PARL: variants seen among roughly 807,000 people sequenced by gnomAD.
The protein encoded by PARL is presenilin-associated rhomboid-like protein, mitochondrial.
Under a neutral mutation model 51.6 loss-of-function variants are expected in PARL, and 44 were observed. That is an observed-to-expected ratio of 0.85 (90% CI 0.67 to 1.10). PARL has a LOEUF of 1.10. Ranked by LOEUF, PARL falls within the 50% of genes least tolerant of loss-of-function variation. PARL has a pLI of 0.00. For synonymous variants in PARL, 172 were observed against 164.0 expected (o/e 1.05, Z -0.37); for missense variants, 441 against 469.5 (o/e 0.94, Z 0.56).
At chr3:183,843,973 A>C (rs1729647191) in intron 5 of PARL, among the ~76,000 whole-genome samples, 1 of 152,112 alleles carries the variant, frequency 6.6e-6, no homozygotes, top group Non-Finnish European at 1.5e-5. Context: ...TGGGAGGTGG[A>C]GGTTGTAGTG....
At chr3:183,855,974 A>C (rs1432153767) in intron 4 of PARL, among the ~76,000 whole-genome samples, 1 of 151,294 alleles carries the variant, frequency 6.6e-6, no homozygotes, top group Non-Finnish European at 1.5e-5. Context: ...AAACAAACAA[A>C]AAAAAAAACA....
At chr3:183,835,404 G>A (rs1470951988) in intron 7 of PARL, among the ~76,000 whole-genome samples, 1 of 152,126 alleles carries the variant, frequency 6.6e-6, no homozygotes, top group African/African-American at 2.4e-5. Flanking sequence ...AGAGATCTCA[G>A]ATGTCCCCAG....
intron 1 of PARL, among the ~76,000 whole-genome samples, chr3:183,882,350 T>TACATATATGC (rs1734646589): frequency 6.9e-6 from 1 of 143,964 alleles, no homozygotes; most frequent in Non-Finnish European, 1.5e-5. Context: ...CACACATATA[T>TACATATATGC]ACATATATGC....
chr3:183,856,265 T>C (rs970130104), intron 4 of PARL, among the ~76,000 whole-genome samples: 1 of 151,984 alleles, frequency 6.6e-6, no homozygotes, highest in Middle Eastern at 3.2e-3. Flanking sequence ...CCACTTGGGG[T>C]CTAATAGCTA....
chr3:183,836,063 C>CA (rs1346114855), intron 7 of PARL, among the ~76,000 whole-genome samples: 1 of 151,320 alleles, frequency 6.6e-6, no homozygotes, highest in Non-Finnish European at 1.5e-5. Flanking sequence ...GCTAAAAATA[C>CA]AAAATTAGCT....
intron 7 of PARL, among the ~76,000 whole-genome samples, chr3:183,835,008 G>T (rs997209151): frequency 6.6e-6 from 1 of 151,450 alleles, no homozygotes; most frequent in African/African-American, 2.4e-5. Context: ...GCAGTGAGCC[G>T]AGATTGTCCC....
chr3:183,842,845 T>C (rs1459080602), intron 5 of PARL, among the ~76,000 whole-genome samples: 1 of 92,606 alleles, frequency 1.1e-5, no homozygotes, highest in East Asian at 4.0e-4. Context: ...GAAACAAACA[T>C]GGAAAACAAA....
chr3:183,837,831 G>A (rs888659329), intron 7 of PARL, among the ~76,000 whole-genome samples: 1 of 152,074 alleles, frequency 6.6e-6, no homozygotes, highest in African/African-American at 2.4e-5. Flanking sequence ...AAGACAATTG[G>A]CCGGGTGTAG....
At chr3:183,878,562 A>G (rs1734102678) in intron 1 of PARL, among the ~76,000 whole-genome samples, 1 of 152,154 alleles carries the variant, frequency 6.6e-6, no homozygotes, top group Non-Finnish European at 1.5e-5. Context: ...CTACCTCATA[A>G]CAAATGAGAA....
At chr3:183,833,269 G>A (rs571901580) in intron 9 of PARL, among the ~76,000 whole-genome samples, 66 of 152,300 alleles carry the variant, frequency 4.3e-4, no homozygotes, top group African/African-American at 1.4e-3. Context: ...AAGGTTAAGC[G>A]TAGGGTAAAG....
intron 4 of PARL, among the ~76,000 whole-genome samples, chr3:183,855,397 C>T (rs1731033263): frequency 6.6e-6 from 1 of 152,152 alleles, no homozygotes; most frequent in Admixed American, 6.6e-5. Flanking sequence ...AAGTGCCAGG[C>T]CTCCCAAGTG....
intron 2 of PARL, 45 bp from the exon 3 acceptor site, chr3:183,866,810 T>A: frequency 7.6e-7 from 1 of 1,317,300 alleles, no homozygotes; most frequent in South Asian, 1.2e-5. Flanking sequence ...AAGAGGGAAA[T>A]AGATCTATAC....
At chr3:183,874,870 G>A (rs574002903) in intron 1 of PARL, among the ~76,000 whole-genome samples, 69 of 152,258 alleles carry the variant, frequency 4.5e-4, no homozygotes, top group African/African-American at 1.7e-3. Flanking sequence ...TCAGGAGTTT[G>A]AAACCAACCT....
At chr3:183,878,773 A>G (rs1734123964) in intron 1 of PARL, among the ~76,000 whole-genome samples, 1 of 152,196 alleles carries the variant, frequency 6.6e-6, no homozygotes, top group Non-Finnish European at 1.5e-5. Context: ...ATATCTAAAC[A>G]AGCGCCTAAA....
intron 4 of PARL, among the ~76,000 whole-genome samples, chr3:183,855,491 C>G (rs890210395): frequency 6.6e-6 from 1 of 151,878 alleles, no homozygotes; most frequent in African/African-American, 2.4e-5. Context: ...CACCAAGGAC[C>G]GGTTTTGTGT....
rs762841882 is a variant in PARL, at chr3:183,862,765, G to T, written c.499C>A (p.Arg167=). 18 of 1,612,760 alleles carry T rather than the reference G, an allele frequency of 1.1e-5. No homozygotes were observed. In the Admixed American group the frequency reaches 2.2e-4, roughly 19 times the overall value. The change falls in exon 4 of 10, where the codon CGG becomes AGG. Residue 167 remains arginine, a synonymous_variant. Coordinates refer to ENST00000317096, the MANE Select transcript of PARL (RefSeq NM_018622.7). The part of the protein sequence containing the change: ...KWWNNLSDGQ[R]TVTGIIAANV... ...AGCTAACACAAACCTGTCACAGTCCGCTGGCCATCACTTAGGTTATTCCAC... is the reference window on the plus strand; with the variant it reads ...AGCTAACACAAACCTGTCACAGTCCTCTGGCCATCACTTAGGTTATTCCAC...
At chr3:183,852,248 A>G (rs1027217042) in intron 4 of PARL, among the ~76,000 whole-genome samples, 3 of 152,228 alleles carry the variant, frequency 2.0e-5, no homozygotes, top group African/African-American at 7.2e-5. Context: ...AGATGGAGAC[A>G]ACCCAAATGT....
intron 6 of PARL, 75 bp from the exon 7 acceptor site, chr3:183,840,715 T>C (rs1729207708): frequency 1.2e-6 from 1 of 805,988 alleles, no homozygotes; most frequent in African/African-American, 1.8e-5. Flanking sequence ...TTTTCTTTTT[T>C]TTTTTTTTGA....
downstream of PARL, chr3:183,826,860 C>T: frequency 1.3e-6 from 1 of 779,934 alleles, no homozygotes; most frequent in Non-Finnish European, 1.6e-6. Flanking sequence ...GAAAAGAGAG[C>T]AGCTCTCTTT....
Sources: gnomAD v4.1 joint callset for allele counts (sites outside exome capture counted in the v4.1 genomes callset) on GRCh38, gnomAD v4.1.1 for gene constraint, MANE v1.5 for transcripts, NCBI Gene and HGNC (gene_info 2026-07-23, HGNC 2026-07-21) for gene names.